LINGO2: variants seen among roughly 807,000 people sequenced by gnomAD.
LINGO2 encodes the protein leucine-rich repeat and immunoglobulin-like domain-containing nogo receptor-interacting protein 2.
A neutral mutation model predicts 30.6 loss-of-function variants in LINGO2; 14 were observed. The observed-to-expected ratio is 0.46, with a 90% confidence interval of 0.30 to 0.72. The LOEUF (loss-of-function observed/expected upper bound fraction) is 0.72. Among genes scored for constraint, LINGO2 ranks in the 30% least tolerant of loss-of-function variants. The pLI, the probability that LINGO2 is intolerant of heterozygous loss-of-function variation, is 0.07. For missense variants in LINGO2, 729 were observed against 751.7 expected (o/e 0.97, Z 0.35); for synonymous variants, 317 against 288.5 (o/e 1.10, Z -1.00).
the LINGO2 span, among the ~76,000 whole-genome samples, chr9:28,739,246 C>G: frequency 6.6e-6 from 1 of 151,854 alleles, no homozygotes; most frequent in African/African-American, 2.4e-5. Flanking sequence ...AAATGTGCAT[C>G]TAAACCATTA....
chr9:28,953,263 A>G, the LINGO2 span, among the ~76,000 whole-genome samples: 1 of 152,148 alleles, frequency 6.6e-6, no homozygotes, highest in African/African-American at 2.4e-5. Context: ...AACTTGAATT[A>G]AGGTAAATGG....
At chr9:28,158,160 A>C (rs951059619) in intron 4 of LINGO2, among the ~76,000 whole-genome samples, 10 of 152,206 alleles carry the variant, frequency 6.6e-5, no homozygotes, top group Non-Finnish European at 1.2e-4. Context: ...CAATCACGGC[A>C]GAAGGTGAAA....
chr9:29,143,264 C>T, the LINGO2 span, among the ~76,000 whole-genome samples: 36,254 of 151,790 alleles, frequency 0.24, 4,516 homozygotes, highest in East Asian at 0.44. Context: ...TCTACAGATC[C>T]AATACAATCC....
At chr9:28,018,362 C>T (rs7858395) in intron 4 of LINGO2, among the ~76,000 whole-genome samples, 18,671 of 151,974 alleles carry the variant, frequency 0.12, 1,240 homozygotes, top group South Asian at 0.21. Context: ...ACAAATGGGA[C>T]CTAATTAAAC....
chr9:28,020,605 T>C (rs1385718107), intron 4 of LINGO2, among the ~76,000 whole-genome samples: 1 of 152,144 alleles, frequency 6.6e-6, no homozygotes, highest in Non-Finnish European at 1.5e-5. Context: ...TCTGCTTCTA[T>C]TTTTGAGGAG....
chr9:27,952,071 T>C (rs1819341366), intron 5 of LINGO2, among the ~76,000 whole-genome samples: 2 of 152,020 alleles, frequency 1.3e-5, no homozygotes, highest in African/African-American at 4.8e-5. Flanking sequence ...AAAACTATCA[T>C]TATTCACAGA....
At chr9:27,996,020 C>T (rs1821644418) in intron 5 of LINGO2, among the ~76,000 whole-genome samples, 1 of 151,780 alleles carries the variant, frequency 6.6e-6, no homozygotes, top group Non-Finnish European at 1.5e-5. Flanking sequence ...AGTAAGGTTG[C>T]AGTAAATGAA....
At chr9:27,942,621 AG>A in the LINGO2 span, 1 of 152,274 alleles carries the variant, frequency 6.6e-6, no homozygotes, top group East Asian at 1.9e-4. Context: ...TTTTACGAAA[AG>A]TTTTGTTAGG....
intron 1 of LINGO2, among the ~76,000 whole-genome samples, chr9:28,528,569 T>G (rs1211012928): frequency 6.6e-6 from 1 of 152,142 alleles, no homozygotes; most frequent in Non-Finnish European, 1.5e-5. Context: ...ACTGCTTACA[T>G]TTTGTATTGG....
chr9:28,772,463 T>C, the LINGO2 span, among the ~76,000 whole-genome samples: 16 of 152,188 alleles, frequency 1.1e-4, no homozygotes, highest in Non-Finnish European at 1.9e-4. Context: ...AGCATCACTT[T>C]TGGCTACTTG....
chr9:28,370,837 G>T (rs537387950), intron 3 of LINGO2, among the ~76,000 whole-genome samples: 1 of 152,116 alleles, frequency 6.6e-6, no homozygotes, highest in Non-Finnish European at 1.5e-5. Flanking sequence ...AACAGTTTAC[G>T]TATTTAACCT....
At chr9:28,717,474 A>G in the LINGO2 span, among the ~76,000 whole-genome samples, 1 of 152,058 alleles carries the variant, frequency 6.6e-6, no homozygotes, top group Non-Finnish European at 1.5e-5. Context: ...GGAAAATTAC[A>G]ATAAACATGA....
the LINGO2 span, among the ~76,000 whole-genome samples, chr9:28,902,467 A>T: frequency 6.6e-6 from 1 of 152,188 alleles, no homozygotes; most frequent in East Asian, 1.9e-4. Flanking sequence ...CACTTTAAGC[A>T]ATGAACAGAT....
chr9:28,314,879 G>A (rs1363207802), intron 3 of LINGO2, among the ~76,000 whole-genome samples: 1 of 151,642 alleles, frequency 6.6e-6, no homozygotes, highest in Non-Finnish European at 1.5e-5. Flanking sequence ...CAGCTACTCG[G>A]GAGGCTGAGG....
At chr9:29,160,872 T>C in the LINGO2 span, among the ~76,000 whole-genome samples, 1 of 152,228 alleles carries the variant, frequency 6.6e-6, no homozygotes, top group African/African-American at 2.4e-5. Flanking sequence ...AGGCGCATAC[T>C]CCACTTGTTA....
At chr9:28,743,386 C>T in the LINGO2 span, among the ~76,000 whole-genome samples, 2 of 151,774 alleles carry the variant, frequency 1.3e-5, no homozygotes, top group Non-Finnish European at 2.9e-5. Context: ...TCCCTGTGTC[C>T]ATGTGTTCTC....
intron 4 of LINGO2, among the ~76,000 whole-genome samples, chr9:28,192,802 A>G (rs1410203472): frequency 1.3e-5 from 2 of 152,132 alleles, no homozygotes; most frequent in Non-Finnish European, 2.9e-5. Flanking sequence ...TATGTACATA[A>G]AGAAAAAATA....
the LINGO2 span, among the ~76,000 whole-genome samples, chr9:29,043,327 T>C: frequency 1.3e-5 from 2 of 152,028 alleles, no homozygotes; most frequent in African/African-American, 4.8e-5. Context: ...GGAAGTCTTA[T>C]GAAAGTAACT....
At chr9:28,671,015 T>C (rs1050632838), upstream of LINGO2, among the ~76,000 whole-genome samples, 2 of 152,144 alleles carry the variant, frequency 1.3e-5, no homozygotes, top group African/African-American at 2.4e-5. Context: ...ATCTACTTGA[T>C]AAAAGAGAAT....
Sources: allele counts gnomAD v4.1 joint callset (sites outside exome capture counted in the v4.1 genomes callset), GRCh38; gene constraint gnomAD v4.1.1; transcripts MANE v1.5; gene names NCBI Gene and HGNC (gene_info 2026-07-23, HGNC 2026-07-21).